Variants in LRP1B observed in about 807,000 individuals in gnomAD.
The protein encoded by LRP1B is low-density lipoprotein receptor-related protein 1B.
In LRP1B, 217 loss-of-function variants were observed where a neutral mutation model predicts 556.6. That is an observed-to-expected ratio of 0.39 (90% CI 0.35 to 0.44). The LOEUF (loss-of-function observed/expected upper bound fraction) is 0.44, where lower values mean the gene tolerates loss of function less well. Among genes scored for constraint, LRP1B ranks in the 20% least tolerant of loss-of-function variants. The probability of loss-of-function intolerance (pLI) is 1.00; values close to 1 mark genes in which losing one functional copy is unlikely to be tolerated. For missense variants in LRP1B, 5,053 were observed against 5,620.8 expected (o/e 0.90, Z 3.23); for synonymous variants, 2,047 against 1,865.8 (o/e 1.10, Z -2.50).
intron 35 of LRP1B, among the ~76,000 whole-genome samples, chr2:140,735,940 G>A (rs1240964229): frequency 6.6e-6 from 1 of 152,084 alleles, no homozygotes; most frequent in African/African-American, 2.4e-5. Context: ...ATCAAAGTGG[G>A]CTAGAATATA....
intron 2 of LRP1B, among the ~76,000 whole-genome samples, chr2:141,764,695 A>T (rs1694676605): frequency 6.6e-6 from 1 of 150,946 alleles, no homozygotes; most frequent in Non-Finnish European, 1.5e-5. Flanking sequence ...AGTCTATGGA[A>T]TTTTTTTTTA....
intron 21 of LRP1B, among the ~76,000 whole-genome samples, chr2:140,912,691 G>A (rs1414218689): frequency 6.6e-6 from 1 of 151,540 alleles, no homozygotes; most frequent in East Asian, 1.9e-4. Context: ...TTTGTCCTTT[G>A]AGAAAAGAAA....
At chr2:141,540,310 C>G (rs1685211964) in intron 2 of LRP1B, among the ~76,000 whole-genome samples, 1 of 151,220 alleles carries the variant, frequency 6.6e-6, no homozygotes, top group Non-Finnish European at 1.5e-5. Context: ...AAAAAAAAAG[C>G]ATAAAAACAT....
intron 2 of LRP1B, among the ~76,000 whole-genome samples, chr2:141,574,481 G>A (rs577960775): frequency 8.6e-5 from 13 of 151,116 alleles, no homozygotes; most frequent in South Asian, 6.2e-4. Flanking sequence ...AACCCACAGC[G>A]TCAGTATCAT....
chr2:141,068,270 T>A (rs1376778681), intron 7 of LRP1B, among the ~76,000 whole-genome samples: 2 of 151,428 alleles, frequency 1.3e-5, no homozygotes, highest in African/African-American at 4.9e-5. Flanking sequence ...GGTTTAGGAG[T>A]GGAGGTTTAC....
At chr2:140,740,556 G>A (rs1253959270) in intron 35 of LRP1B, among the ~76,000 whole-genome samples, 1 of 152,158 alleles carries the variant, frequency 6.6e-6, no homozygotes, top group East Asian at 1.9e-4. Flanking sequence ...ATAGGGTGCA[G>A]TGTATACTGC....
At chr2:140,283,919 G>C (rs1457892319) in intron 84 of LRP1B, among the ~76,000 whole-genome samples, 1 of 151,678 alleles carries the variant, frequency 6.6e-6, no homozygotes, top group African/African-American at 2.4e-5. Flanking sequence ...TGAGACTTGT[G>C]AGCAAGCTGA....
intron 1 of LRP1B, among the ~76,000 whole-genome samples, chr2:141,923,772 T>C (rs1010001419): frequency 4.0e-5 from 6 of 151,792 alleles, no homozygotes; most frequent in African/African-American, 1.2e-4. Flanking sequence ...GTGAAAAATA[T>C]AGCTTAGGTA....
chr2:141,154,129 G>T (rs1702008393), intron 7 of LRP1B, among the ~76,000 whole-genome samples: 1 of 151,836 alleles, frequency 6.6e-6, no homozygotes, highest in Non-Finnish European at 1.5e-5. Context: ...CACTTGTTCA[G>T]TTCAATAGAT....
intron 41 of LRP1B, among the ~76,000 whole-genome samples, chr2:140,674,958 G>C (rs987162958): frequency 2.6e-5 from 4 of 152,204 alleles, no homozygotes; most frequent in African/African-American, 9.6e-5. Context: ...GATGTCAGCA[G>C]AGCTGCTTCC....
chr2:142,081,062 T>C (rs1705694574), intron 1 of LRP1B, among the ~76,000 whole-genome samples: 1 of 152,134 alleles, frequency 6.6e-6, no homozygotes, highest in African/African-American at 2.4e-5. Context: ...TATGCACTCT[T>C]TCCTTCCTTC....
chr2:140,582,253 C>T (rs1473666483), intron 43 of LRP1B, among the ~76,000 whole-genome samples: 1 of 152,060 alleles, frequency 6.6e-6, no homozygotes, highest in Admixed American at 6.6e-5. Context: ...AAAATGAGAC[C>T]CATGCCTCAT....
chr2:141,937,581 ATG>A, intron 1 of LRP1B, among the ~76,000 whole-genome samples: 1 of 151,584 alleles, frequency 6.6e-6, no homozygotes, highest in East Asian at 1.9e-4. Context: ...ATGTGTGTGT[ATG>A]TGTGTGAGTG....
chr2:141,334,095 C>G (rs1224195357), intron 3 of LRP1B, among the ~76,000 whole-genome samples: 1 of 152,154 alleles, frequency 6.6e-6, no homozygotes, highest in Non-Finnish European at 1.5e-5. Flanking sequence ...ATATTTCTGT[C>G]TATCTGTAGC....
intron 41 of LRP1B, among the ~76,000 whole-genome samples, chr2:140,647,211 T>C (rs1574188226): frequency 6.6e-6 from 1 of 152,264 alleles, no homozygotes; most frequent in East Asian, 1.9e-4. Flanking sequence ...AAACTTGAAA[T>C]CTTAATGTCT....
chr2:141,853,263 G>A (rs543246555), intron 1 of LRP1B, among the ~76,000 whole-genome samples: 21 of 151,450 alleles, frequency 1.4e-4, no homozygotes, highest in Non-Finnish European at 3.0e-4. Flanking sequence ...TGGATTGTAA[G>A]TGCCTTGCAA....
intron 2 of LRP1B, among the ~76,000 whole-genome samples, chr2:141,801,222 G>C (rs910340887): frequency 2.2e-4 from 34 of 152,172 alleles, no homozygotes; most frequent in African/African-American, 7.9e-4. Context: ...CATTTCTACT[G>C]TTTTCCTCAG....
chr2:141,635,192 A>G (rs1689070040), intron 2 of LRP1B, among the ~76,000 whole-genome samples: 2 of 152,098 alleles, frequency 1.3e-5, no homozygotes, highest in Admixed American at 6.6e-5. Flanking sequence ...AGAATGAGTG[A>G]AAGACAGTTT....
At chr2:141,337,440 T>C (rs545727038) in intron 3 of LRP1B, among the ~76,000 whole-genome samples, 3 of 152,204 alleles carry the variant, frequency 2.0e-5, no homozygotes, top group Non-Finnish European at 2.9e-5. Flanking sequence ...TGTCTTTATA[T>C]ATTCTGAAAG....
Sources: gnomAD v4.1 joint callset for allele counts (sites outside exome capture counted in the v4.1 genomes callset) on GRCh38, gnomAD v4.1.1 for gene constraint, MANE v1.5 for transcripts, NCBI Gene and HGNC (gene_info 2026-07-23, HGNC 2026-07-21) for gene names.